The following PRKDC variants were observed in gnomAD, a reference collection of about 807,000 sequenced individuals.
PRKDC encodes the protein protein kinase, DNA-activated, catalytic subunit.
PRKDC carries 82 observed loss-of-function variants against 486.9 expected under a neutral mutation model. The ratio of observed to expected loss-of-function variants is 0.17; its 90% CI spans 0.14 to 0.20. PRKDC has a LOEUF of 0.20. Ranked by LOEUF, PRKDC falls within the 10% of genes least tolerant of loss-of-function variation. The pLI is 1.00. For missense variants in PRKDC, 4,504 were observed against 5,038.2 expected (o/e 0.89, Z 3.21); for synonymous variants, 1,895 against 1,837.0 (o/e 1.03, Z -0.81).
chr8:47,917,844 G>C (rs2090010703), intron 22 of PRKDC, among the ~76,000 whole-genome samples: 1 of 152,078 alleles, frequency 6.6e-6, no homozygotes, highest in African/African-American at 2.4e-5. Flanking sequence ...TATTTTCATA[G>C]CTAAAAATAT....
intron 7 of PRKDC, among the ~76,000 whole-genome samples, chr8:47,947,596 C>T (rs193027233): frequency 6.6e-6 from 1 of 152,230 alleles, no homozygotes; most frequent in South Asian, 2.1e-4. Context: ...GGTGAAACCC[C>T]ATCTCTACAA....
In PRKDC at chr8:47,862,104, C is replaced by A; in HGVS notation, c.5943G>T (p.Leu1981=). ...AATTATAGCGGCGCTTCAGGTCGATCAGATTTTCAAAAATAAGCAAGTTCT... is the reference window on the plus strand; with the variant it reads ...AATTATAGCGGCGCTTCAGGTCGATAAGATTTTCAAAAATAAGCAAGTTCT... ...PEKNLLIFEN[L]IDLKRRYNFP... Residue 1981 remains leucine (L), a synonymous_variant, in exon 44 of 86, where the codon CTG becomes CTT. Transcript: ENST00000314191. 1 of 1,551,416 alleles carries A rather than the reference C, an allele frequency of 6.4e-7. No homozygotes were observed. The highest frequency in any genetic ancestry group is 8.7e-7 in the Non-Finnish European group (1 of 1,145,882).
chr8:47,891,434 T>C (rs1333258212), intron 31 of PRKDC, among the ~76,000 whole-genome samples: 1 of 152,170 alleles, frequency 6.6e-6, no homozygotes, highest in African/African-American at 2.4e-5. Flanking sequence ...TTAAGAATTA[T>C]TCTCAGCCGG....
chr8:47,924,005 G>T (rs555065103), intron 21 of PRKDC, among the ~76,000 whole-genome samples: 7 of 152,066 alleles, frequency 4.6e-5, no homozygotes, highest in Non-Finnish European at 1.0e-4. Flanking sequence ...AAACCACTAG[G>T]AAACTTTAAC....
intron 40 of PRKDC, 117 bp from the exon 41 acceptor site, chr8:47,864,880 T>A: frequency 4.3e-6 from 4 of 934,992 alleles, no homozygotes; most frequent in Non-Finnish European, 6.1e-6. Flanking sequence ...AAAATAACTT[T>A]AAGGACTATA....
At chr8:47,793,683 T>TAAAAAAA (rs397892514) in intron 74 of PRKDC, among the ~76,000 whole-genome samples, 2 of 72,806 alleles carry the variant, frequency 2.7e-5, no homozygotes, top group African/African-American at 4.9e-5. Flanking sequence ...TTAAAAAAAC[T>TAAAAAAA]AAAAAAAAAA....
At chr8:47,867,414 G>A (rs936958342) in intron 40 of PRKDC, among the ~76,000 whole-genome samples, 2 of 152,204 alleles carry the variant, frequency 1.3e-5, no homozygotes, top group Non-Finnish European at 2.9e-5. Flanking sequence ...ACTAATTGGT[G>A]TAATAACCAC....
chr8:47,878,263 G>A (rs926142154), intron 39 of PRKDC, among the ~76,000 whole-genome samples: 7 of 151,882 alleles, frequency 4.6e-5, no homozygotes, highest in Non-Finnish European at 4.4e-5. Context: ...CCGCCACCAC[G>A]CCTGGCTAAT....
At chr8:47,957,998 T>TA (rs1473877347) in intron 1 of PRKDC, among the ~76,000 whole-genome samples, 1 of 150,922 alleles carries the variant, frequency 6.6e-6, no homozygotes, top group Admixed American at 6.6e-5. Context: ...TAAATGTATA[T>TA]AGCAAAAGGA....
chr8:47,890,503 A>ACT, intron 31 of PRKDC, 23 bp from the exon 32 acceptor site: 2 of 1,438,284 alleles, frequency 1.4e-6, no homozygotes, highest in Non-Finnish European at 1.9e-6. Flanking sequence ...ATATTAAAGT[A>ACT]TTAATATATG....
intron 22 of PRKDC, among the ~76,000 whole-genome samples, chr8:47,917,034 T>C (rs1057262253): frequency 2.6e-5 from 4 of 152,036 alleles, no homozygotes; most frequent in African/African-American, 4.8e-5. Context: ...GGTGGGCGGA[T>C]TGCTTAACCC....
chr8:47,858,452 A>G (rs2088595691), intron 48 of PRKDC, 64 bp downstream of exon 48: 1 of 1,334,622 alleles, frequency 7.5e-7, no homozygotes. Flanking sequence ...TGATTCATTC[A>G]TAGAATTGAA....
At chr8:47,934,610 C>G (rs898272945) in intron 14 of PRKDC, among the ~76,000 whole-genome samples, 1 of 152,184 alleles carries the variant, frequency 6.6e-6, no homozygotes, top group Admixed American at 6.5e-5. Flanking sequence ...GATACACCAA[C>G]AAGTACTTCA....
At chr8:47,933,422 A>G (rs2090291771) in intron 15 of PRKDC, among the ~76,000 whole-genome samples, 1 of 152,206 alleles carries the variant, frequency 6.6e-6, no homozygotes, top group African/African-American at 2.4e-5. Flanking sequence ...TGTATACAGC[A>G]GTAAGTGAGA....
intron 72 of PRKDC, among the ~76,000 whole-genome samples, chr8:47,798,757 G>A (rs564930282): frequency 4.6e-5 from 7 of 151,884 alleles, no homozygotes; most frequent in Admixed American, 2.6e-4. Context: ...GGAAACAGAG[G>A]ACCACTTGAC....
At chr8:47,852,615 T>C in intron 52 of PRKDC, 58 bp downstream of exon 52, 1 of 1,054,328 alleles carries the variant, frequency 9.5e-7, no homozygotes, top group South Asian at 1.6e-5. Flanking sequence ...GTATCAAGGG[T>C]CATAACAAAT....
At chr8:47,909,858 G>T (rs2089863654) in intron 25 of PRKDC, among the ~76,000 whole-genome samples, 1 of 152,158 alleles carries the variant, frequency 6.6e-6, no homozygotes, top group Non-Finnish European at 1.5e-5. Context: ...TAGTCAGATT[G>T]GTTGTCTGCC....
At chr8:47,868,629 A>G (rs2088871774) in intron 40 of PRKDC, among the ~76,000 whole-genome samples, 1 of 152,192 alleles carries the variant, frequency 6.6e-6, no homozygotes, top group Non-Finnish European at 1.5e-5. Context: ...AAGGCTAAAT[A>G]GAAGCCTCCA....
intron 85 of PRKDC, among the ~76,000 whole-genome samples, chr8:47,776,014 G>A (rs1259723174): frequency 6.6e-6 from 1 of 151,936 alleles, no homozygotes; most frequent in Non-Finnish European, 1.5e-5. Context: ...AGTAGAGATG[G>A]GGTTTCACCT....
Sources: allele counts gnomAD v4.1 joint callset (sites outside exome capture counted in the v4.1 genomes callset), GRCh38; gene constraint gnomAD v4.1.1; transcripts MANE v1.5; gene names NCBI Gene and HGNC (gene_info 2026-07-23, HGNC 2026-07-21).